Variants in LARS2 observed in about 807,000 individuals in gnomAD.
LARS2 encodes leucine--tRNA ligase, mitochondrial.
In LARS2, 81 loss-of-function variants were observed where a neutral mutation model predicts 116.6. That is an observed-to-expected ratio of 0.69 (90% CI 0.58 to 0.84). The LOEUF is 0.84. LARS2 is among the 40% of genes least tolerant of loss of function. The pLI is 0.00. For synonymous variants in LARS2, 396 were observed against 407.2 expected (o/e 0.97, Z 0.33); for missense variants, 968 against 1,114.5 (o/e 0.87, Z 1.87).
intron 4 of LARS2, among the ~76,000 whole-genome samples, chr3:45,402,826 C>T (rs1698175773): frequency 6.6e-6 from 1 of 151,848 alleles, no homozygotes; most frequent in Non-Finnish European, 1.5e-5. Flanking sequence ...GTGGGACAGG[C>T]CAGGCATGGT....
intron 3 of LARS2, among the ~76,000 whole-genome samples, chr3:45,399,903 A>G (rs141747866): frequency 0.1 from 15,726 of 151,918 alleles, 1,014 homozygotes; most frequent in Middle Eastern, 0.17. Flanking sequence ...TTCCTGAGTT[A>G]CTTCATTTAG....
intron 12 of LARS2, among the ~76,000 whole-genome samples, chr3:45,490,380 T>C (rs539476187): frequency 6.6e-6 from 1 of 152,318 alleles, no homozygotes; most frequent in South Asian, 2.1e-4. Context: ...CTTCAGATGG[T>C]CTGTTGAAGC....
chr3:45,529,494 G>C (rs6782729), intron 20 of LARS2, among the ~76,000 whole-genome samples: 2 of 150,902 alleles, frequency 1.3e-5, no homozygotes, highest in Non-Finnish European at 2.9e-5. Context: ...GGTTGCGGTG[G>C]GCTGAGATTG....
At chr3:45,495,804 G>A (rs566864676) in intron 13 of LARS2, among the ~76,000 whole-genome samples, 17 of 151,792 alleles carry the variant, frequency 1.1e-4, no homozygotes, top group East Asian at 3.9e-4. Context: ...TTAAAACATC[G>A]CATACTATAC....
Position 45,439,526 on chromosome 3 carries a change from G to A in LARS2, c.517-7365G>A, listed in dbSNP as rs566114897. On this transcript the variant is annotated intron_variant, in intron 6 of 21. Transcript: ENST00000645846. ...GAGCCAGCGCGCCCAGCCAACTCTG[G>A]CATTTTTAAACAGCTGGCCATTGAG... Among the ~76,000 whole-genome samples, 9 of 152,058 alleles carry A rather than the reference G, an allele frequency of 5.9e-5. No homozygotes were observed. In the South Asian group the frequency reaches 1.9e-3, roughly 32 times the overall value.
intron 20 of LARS2, among the ~76,000 whole-genome samples, chr3:45,536,984 A>G (rs968329037): frequency 6.6e-6 from 1 of 151,898 alleles, no homozygotes; most frequent in Non-Finnish European, 1.5e-5. Context: ...TAACCAGTGA[A>G]TGTAGTGATG....
At position 45,520,314 on chromosome 3, in the gene LARS2, A is replaced by T; in HGVS notation, c.2292+18A>T. ...CCCTCTCGGTAAGTGGCCTGTCCTC[A>T]TTTGCTGGTAGCAGAGGAGGGAGGG... On this transcript the variant is annotated intron_variant, in intron 19 of 21. Coordinates refer to ENST00000645846, the MANE Select transcript of LARS2 (RefSeq NM_015340.4). 6.3e-7 allele frequency: 1 copy of T among 1,595,848 alleles called. No homozygotes were observed. Among genetic ancestry groups the T allele is most frequent in the Non-Finnish European group, 8.6e-7 (1 of 1,163,616 alleles).
At chr3:45,536,834 G>A (rs1173431427) in intron 20 of LARS2, among the ~76,000 whole-genome samples, 1 of 152,242 alleles carries the variant, frequency 6.6e-6, no homozygotes, top group Non-Finnish European at 1.5e-5. Flanking sequence ...TCTGACAGAA[G>A]CATGTGGTGG....
intron 6 of LARS2, among the ~76,000 whole-genome samples, chr3:45,445,981 G>A (rs186066823): frequency 5.4e-4 from 82 of 152,306 alleles, no homozygotes; most frequent in Non-Finnish European, 9.0e-4. Flanking sequence ...GGCTGAGGAG[G>A]GAGGGTCATT....
chr3:45,532,085 T>C (rs1004065868), intron 20 of LARS2, among the ~76,000 whole-genome samples: 3 of 152,258 alleles, frequency 2.0e-5, no homozygotes, highest in Admixed American at 1.3e-4. Flanking sequence ...AGTTATGCCA[T>C]GGTGTCTGAT....
At chr3:45,398,676 A>C (rs1698091093) in intron 3 of LARS2, among the ~76,000 whole-genome samples, 1 of 152,070 alleles carries the variant, frequency 6.6e-6, no homozygotes, top group South Asian at 2.1e-4. Context: ...GAACCCTCCT[A>C]TTACTTGGGT....
intron 20 of LARS2, among the ~76,000 whole-genome samples, chr3:45,528,702 A>T (rs1158049362): frequency 2.0e-5 from 3 of 152,178 alleles, no homozygotes. Flanking sequence ...GTTTTATTTC[A>T]TTTAGCATAA....
At chr3:45,538,036 C>T (rs979081958) in intron 20 of LARS2, among the ~76,000 whole-genome samples, 4 of 152,206 alleles carry the variant, frequency 2.6e-5, no homozygotes, top group African/African-American at 7.2e-5. Context: ...CCTGACCTCT[C>T]CCCTTGGCAT....
chr3:45,544,588 CTTG>C (rs1382740086), intron 21 of LARS2, among the ~76,000 whole-genome samples: 2 of 152,158 alleles, frequency 1.3e-5, no homozygotes, highest in Non-Finnish European at 2.9e-5. Context: ...GTGAGGCAGG[CTTG>C]TTGTTATCCC....
At chr3:45,461,579 G>A (rs1699327139) in intron 8 of LARS2, among the ~76,000 whole-genome samples, 1 of 152,172 alleles carries the variant, frequency 6.6e-6, no homozygotes, top group African/African-American at 2.4e-5. Context: ...GAAGGGAATG[G>A]CATGGTCAGA....
chr3:45,421,118 ATC>A (rs1698506759), intron 6 of LARS2: 1 of 152,166 alleles, frequency 6.6e-6, no homozygotes, highest in African/African-American at 2.4e-5. Context: ...TATTTAAGCT[ATC>A]TCTTATTATA....
At chr3:45,391,378 G>C (rs1006045416) in intron 1 of LARS2, among the ~76,000 whole-genome samples, 1 of 151,318 alleles carries the variant, frequency 6.6e-6, no homozygotes, top group Non-Finnish European at 1.5e-5. Context: ...CCAGCTACTC[G>C]AGAGGCTGAG....
At chr3:45,407,970 T>C (rs1328032152) in intron 4 of LARS2, among the ~76,000 whole-genome samples, 1 of 152,220 alleles carries the variant, frequency 6.6e-6, no homozygotes, top group Non-Finnish European at 1.5e-5. Flanking sequence ...AAAAAATATA[T>C]TTTAAAATTG....
intron 8 of LARS2, among the ~76,000 whole-genome samples, chr3:45,470,179 A>G (rs1429672953): frequency 2.0e-5 from 3 of 152,284 alleles, no homozygotes; most frequent in Non-Finnish European, 4.4e-5. Context: ...ATTTGTGGTC[A>G]TGTCGTACCT....
Sources: allele counts gnomAD v4.1 joint callset (sites outside exome capture counted in the v4.1 genomes callset), GRCh38; gene constraint gnomAD v4.1.1; transcripts MANE v1.5; gene names NCBI Gene and HGNC (gene_info 2026-07-23, HGNC 2026-07-21).